The following MAST2 variants were observed in gnomAD, a reference collection of about 807,000 sequenced individuals.
MAST2 encodes microtubule associated serine/threonine kinase 2.
MAST2 carries 70 observed loss-of-function variants against 147.4 expected under a neutral mutation model. The ratio of observed to expected loss-of-function variants is 0.47; its 90% CI spans 0.39 to 0.58. The LOEUF (loss-of-function observed/expected upper bound fraction) is 0.58, where lower values mean the gene tolerates loss of function less well. Among genes scored for constraint, MAST2 ranks in the 20% least tolerant of loss-of-function variants. MAST2 has a pLI of 0.00. For synonymous variants in MAST2, 869 were observed against 896.8 expected (o/e 0.97, Z 0.55); for missense variants, 2,080 against 2,302.3 (o/e 0.90, Z 1.98).
intron 5 of MAST2, among the ~76,000 whole-genome samples, chr1:45,972,872 G>T (rs1444220988): frequency 6.6e-6 from 1 of 152,166 alleles, no homozygotes. Flanking sequence ...GGGGAAGAGG[G>T]AGAGCTTAGA....
chr1:45,886,043 C>A (rs569864924), intron 4 of MAST2, among the ~76,000 whole-genome samples: 1 of 151,906 alleles, frequency 6.6e-6, no homozygotes, highest in Admixed American at 6.6e-5. Flanking sequence ...GCAGGAGGAT[C>A]GCTTGAGTTC....
chr1:45,989,942 A>G (rs1245346633), intron 5 of MAST2, among the ~76,000 whole-genome samples: 1 of 152,206 alleles, frequency 6.6e-6, no homozygotes, highest in Admixed American at 6.5e-5. Context: ...ATAATATTCC[A>G]TTGTATGGAT....
rs747002982 is a variant in MAST2 at position 46,028,947 on chromosome 1, C to T, written c.2218+14C>T. ...AGGTGATCAGTGGTAGGTACTATGC[C>T]CCTGGCCCAGTGGGGAAACAGAGTC... On this transcript the variant is annotated intron_variant, in intron 18 of 28. Coordinates refer to ENST00000361297, the MANE Select transcript of MAST2 (RefSeq NM_015112.3). The T allele has an allele frequency of 1.6e-5, 24 of 1,543,714 alleles. 1 individual carries two copies. In the African/African-American group the frequency reaches 3.2e-4, roughly 20 times the overall value.
At chr1:45,922,793 G>A (rs560417712) in intron 4 of MAST2, among the ~76,000 whole-genome samples, 23 of 152,230 alleles carry the variant, frequency 1.5e-4, no homozygotes, top group African/African-American at 5.1e-4. Context: ...GGCTCCCACC[G>A]ACTCTGTAGA....
chr1:46,020,833 T>C (rs1211562682), intron 11 of MAST2, among the ~76,000 whole-genome samples: 1 of 152,210 alleles, frequency 6.6e-6, no homozygotes, highest in Non-Finnish European at 1.5e-5. Flanking sequence ...TCAGCATGTT[T>C]GTAGAAATTC....
intron 1 of MAST2, among the ~76,000 whole-genome samples, chr1:45,817,789 G>A (rs1275237476): frequency 1.3e-5 from 2 of 152,168 alleles, no homozygotes; most frequent in African/African-American, 2.4e-5. Flanking sequence ...TATGGTATTA[G>A]GTTGTTGCAA....
At chr1:45,881,986 C>G (rs1646865864) in intron 3 of MAST2, among the ~76,000 whole-genome samples, 2 of 123,402 alleles carry the variant, frequency 1.6e-5, no homozygotes, top group Admixed American at 2.1e-4. Flanking sequence ...ACCATCCTGG[C>G]TAACACGGTG....
intron 4 of MAST2, among the ~76,000 whole-genome samples, chr1:45,882,998 A>G (rs1646916269): frequency 6.6e-6 from 1 of 152,206 alleles, no homozygotes; most frequent in African/African-American, 2.4e-5. Context: ...TTGGCCAATC[A>G]GAATCTCCTG....
intron 4 of MAST2, among the ~76,000 whole-genome samples, chr1:45,902,609 G>A (rs1387236676): frequency 1.3e-5 from 2 of 151,468 alleles, no homozygotes; most frequent in Non-Finnish European, 2.9e-5. Context: ...TTCTGGTCCT[G>A]GGCTTTTTTT....
At chr1:46,002,981 A>G in intron 7 of MAST2, 98 bp downstream of exon 7, 3 of 1,229,898 alleles carry the variant, frequency 2.4e-6, no homozygotes, top group Non-Finnish European at 3.6e-6. Context: ...CTTTTTCTCC[A>G]AAGTCAAACT....
At chr1:45,847,459 T>G (rs1009470830) in intron 3 of MAST2, 2 of 613,200 alleles carry the variant, frequency 3.3e-6, no homozygotes, top group East Asian at 8.5e-5. Context: ...TTTTCACCAA[T>G]AAGATTGAAA....
intron 4 of MAST2, among the ~76,000 whole-genome samples, chr1:45,929,051 A>G (rs1654864095): frequency 6.6e-6 from 1 of 152,044 alleles, no homozygotes; most frequent in Non-Finnish European, 1.5e-5. Flanking sequence ...TTCAGTGTAT[A>G]TCTGTCAGGA....
In MAST2 at chr1:45,950,666, A is replaced by G. The variant is rs183174000; in HGVS notation, c.501-8720A>G. 2.7e-4 allele frequency among the ~76,000 whole-genome samples: 41 copies of G among 152,330 alleles called. 1 individual carries two copies. The highest frequency in any genetic ancestry group is 9.6e-4 in the African/African-American group (40 of 41,574). The stretch of plus-strand genomic sequence containing the variant: ...GTGACATACCCTCAAATCAGGTATC[A>G]TAGGATTCTCATAAATGCAGCTTCA... On this transcript the variant is annotated intron_variant, in intron 4 of 28. Coordinates refer to ENST00000361297, the MANE Select transcript of MAST2 (RefSeq NM_015112.3).
chr1:45,891,669 A>G (rs1265727600), intron 4 of MAST2, among the ~76,000 whole-genome samples: 1 of 149,546 alleles, frequency 6.7e-6, no homozygotes, highest in African/African-American at 2.5e-5. Flanking sequence ...TTTTTTTTTT[A>G]TAATCTCCTA....
chr1:45,832,053 T>A (rs1324121562), intron 3 of MAST2, among the ~76,000 whole-genome samples: 1 of 152,142 alleles, frequency 6.6e-6, no homozygotes, highest in South Asian at 2.1e-4. Flanking sequence ...GTGCTGGGAT[T>A]ACAGGCGTGA....
intron 4 of MAST2, among the ~76,000 whole-genome samples, chr1:45,940,088 G>C (rs1334009663): frequency 1.4e-5 from 2 of 138,624 alleles, no homozygotes; most frequent in African/African-American, 5.4e-5. Flanking sequence ...CCCACCCCGG[G>C]TTCAAGTGAT....
At chr1:45,868,583 G>A (rs949143628) in intron 3 of MAST2, among the ~76,000 whole-genome samples, 1 of 151,888 alleles carries the variant, frequency 6.6e-6, no homozygotes, top group African/African-American at 2.4e-5. Context: ...AGAGTACTTA[G>A]AGTGTCATTG....
chr1:45,937,055 T>C (rs1192906343), intron 4 of MAST2, among the ~76,000 whole-genome samples: 1 of 149,180 alleles, frequency 6.7e-6, no homozygotes, highest in Non-Finnish European at 1.5e-5. Flanking sequence ...TTTTTTTTTT[T>C]TCTCCAGTCA....
intron 4 of MAST2, among the ~76,000 whole-genome samples, chr1:45,921,623 G>A (rs954020297): frequency 1.3e-5 from 2 of 152,154 alleles, no homozygotes; most frequent in Non-Finnish European, 2.9e-5. Context: ...AGGCTGCATC[G>A]GGACCAGGCG....
Sources: gnomAD v4.1 joint callset for allele counts (sites outside exome capture counted in the v4.1 genomes callset) on GRCh38, gnomAD v4.1.1 for gene constraint, MANE v1.5 for transcripts, NCBI Gene and HGNC (gene_info 2026-07-23, HGNC 2026-07-21) for gene names.